Variants in C16orf90 observed in about 807,000 individuals in gnomAD.
C16orf90 encodes chromosome 16 open reading frame 90, also known as uncharacterized protein C16orf90.
A neutral mutation model predicts 17.1 loss-of-function variants in C16orf90; 17 were observed. The observed-to-expected ratio is 1.00, with a 90% CI of 0.68 to 1.49. The LOEUF (loss-of-function observed/expected upper bound fraction) is 1.49, where lower values mean the gene tolerates loss of function less well. C16orf90 is among the 40% of genes most tolerant of loss of function. The pLI, the probability that C16orf90 is intolerant of heterozygous loss-of-function variation, is 0.00. For missense variants in C16orf90, 255 were observed against 235.5 expected, an observed-to-expected ratio of 1.08 and a Z score of -0.54; for synonymous variants, 108 against 95.8, an observed-to-expected ratio of 1.13 and a Z score of -0.75.
Position 3,493,687 on chromosome 16 carries a change from T to C in C16orf90, c.*152A>G. The C allele has an allele frequency of 1.6e-6, 1 of 606,474 alleles. No individual in the cohort carries two copies. The highest frequency in any genetic ancestry group is 2.8e-6 in the Non-Finnish European group (1 of 359,468). The allele number at this position is 606,474 out of a possible 1,614,324, so 37.6% of individuals were successfully genotyped here. ...AACCTCCTCCTCCTCCCTCTCCCCA[T>C]CACATTCTCCCGAGGCCCAGGCCTG... is the stretch of plus-strand genomic sequence containing the variant. On this transcript the variant is annotated 3_prime_UTR_variant, in exon 3 of 3. Coordinates refer to ENST00000437192, the MANE Select transcript of C16orf90 (RefSeq NM_001080524.2).
rs1567414231 is a variant in C16orf90 at position 3,494,751 on chromosome 16, CG to C, written c.172del (p.Arg58GlyfsTer203). 3 of 1,603,542 alleles carry C rather than the reference CG, an allele frequency of 1.9e-6. No homozygotes were observed. The highest frequency in any genetic ancestry group is 2.2e-5 in the East Asian group (1 of 44,712). On this transcript the variant is annotated frameshift_variant, in exon 2 of 3. Coordinates refer to ENST00000437192, the MANE Select transcript of C16orf90 (RefSeq NM_001080524.2). LOFTEE classifies it high-confidence loss of function. ...GCCCAGGCCCCGGAGGTGGCGCAGC[CG>C]GAAGTTCTTGGGCTTGCTTCCCTGG... ...SAQGSKPKNF[R>X]LRHLRGLGLY...
At chr16:3,495,318 C>T in intron 1 of C16orf90, 58 bp downstream of exon 1, 1 of 1,561,474 alleles carries the variant, frequency 6.4e-7, no homozygotes. Flanking sequence ...CGGCTTTGGG[C>T]CCAGGTGGGG....
At chr16:3,496,258 A>C, upstream of C16orf90, 1 of 699,296 alleles carries the variant, frequency 1.4e-6, no homozygotes, top group Non-Finnish European at 2.6e-6. Flanking sequence ...AGAGCCCAAG[A>C]GCCAGGATAT....
Position 3,494,095 on chromosome 16 carries a change from G to A in C16orf90, c.401-108C>T, listed in dbSNP as rs1423394714. 3 of 931,450 alleles carry A rather than the reference G, an allele frequency of 3.2e-6. No individual in the cohort carries two copies. The East Asian group carries it at 7.9e-5, about 25-fold the overall frequency. The allele number at this position is 931,450 out of a possible 1,614,324, so 57.7% of individuals were successfully genotyped here. A position where few individuals can be genotyped will look rare whatever the true frequency, so the allele number is the denominator to read the frequency against. ...CCAGAATCCGATATTCTTGAAAACA[G>A]AAGGGAGGAGGGCAATGCTTCCTCC... On this transcript the variant is annotated intron_variant, in intron 2 of 2. Transcript: ENST00000437192.
chr16:3,496,383 C>G, upstream of C16orf90: 1 of 1,195,162 alleles, frequency 8.4e-7, no homozygotes, highest in Non-Finnish European at 1.2e-6. Context: ...AACCGGCCAC[C>G]TCTGTCCGTT....
At chr16:3,496,398 G>C (rs1033507352), upstream of C16orf90, 1 of 1,148,976 alleles carries the variant, frequency 8.7e-7, no homozygotes, top group Non-Finnish European at 1.3e-6. Flanking sequence ...TCCGTTTCCC[G>C]GATGATCCGG....
In C16orf90 at chr16:3,493,962, G is replaced by T. The variant is rs759201180; in HGVS notation, c.426C>A (p.Asp142Glu). 1.6e-5 allele frequency: 26 copies of T among 1,610,098 alleles called. No individual in the cohort carries two copies. Among genetic ancestry groups the T allele is most frequent in the Middle Eastern group, 1.6e-4 (1 of 6,076 alleles). ...GACTAGGCTGGGGGAGGGCACCCTT[G>T]TCTGGGTCCATGCTGGAACTGGAAG... ...SSASSSSMDP[D>E]KGALPQPSPS... Residue 142 changes from aspartate (D) to glutamate (E), a missense_variant, in exon 3 of 3, where the codon GAC (aspartate) becomes GAA (glutamate). Coordinates refer to ENST00000437192, the MANE Select transcript of C16orf90 (RefSeq NM_001080524.2).
chr16:3,495,304 C>A (rs1033736695), intron 1 of C16orf90, 72 bp downstream of exon 1: 38 of 1,528,100 alleles, frequency 2.5e-5, no homozygotes, highest in Non-Finnish European at 3.4e-5. Context: ...CTGAGGCCAC[C>A]CCTCGGCTTT....
At chr16:3,495,510 TC>T (rs147446098), upstream of C16orf90, 2,016 of 1,553,784 alleles carry the variant, frequency 1.3e-3, 28 homozygotes, top group African/African-American at 0.025. Context: ...TTGGCAGGTC[TC>T]CCCTGGCAAC....
intron 1 of C16orf90, 58 bp from the exon 2 acceptor site, chr16:3,494,935 G>GCT: frequency 7.7e-7 from 1 of 1,300,432 alleles, no homozygotes; most frequent in Non-Finnish European, 1.0e-6. Context: ...CATGAGGGGA[G>GCT]GGTGCAGTCA....
Position 3,494,504 on chromosome 16 carries a change from C to G in C16orf90, c.400+20G>C, listed in dbSNP as rs1489616992. 6.2e-7 allele frequency: 1 copy of G among 1,607,266 alleles called. No individual in the cohort carries two copies. The highest frequency in any genetic ancestry group is 8.5e-7 in the Non-Finnish European group (1 of 1,175,770). On this transcript the variant is annotated intron_variant, in intron 2 of 2. Coordinates refer to ENST00000437192, the MANE Select transcript of C16orf90 (RefSeq NM_001080524.2). ...CCTAGGGTCTTCCCCCGTGCCCAGT[C>G]CTGCCTTGACAGAGCTCACCACTGC...
At position 3,494,592 on chromosome 16, in the gene C16orf90, C is replaced by G; in HGVS notation, c.332G>C (p.Gly111Ala). ...GGCTGAACAGAGGCTGTTACGTGGGCCCAGAGTCCCCTGTGGCAGGTCCAG... is the reference window on the plus strand; with the variant it reads ...GGCTGAACAGAGGCTGTTACGTGGGGCCAGAGTCCCCTGTGGCAGGTCCAG... The part of the protein sequence containing the change: ...WALDLPQGTL[G>A]PRNSLCSALL... The change falls in exon 2 of 3, where the codon GGC becomes GCC. Residue 111 changes from glycine to alanine, a missense_variant. Gly to Ala is a moderately conservative substitution (Grantham distance 60, BLOSUM62 0). Coordinates refer to ENST00000437192, the MANE Select transcript of C16orf90 (RefSeq NM_001080524.2). The G allele has an allele frequency of 6.2e-7, 1 of 1,612,858 alleles. No homozygotes were observed. Among genetic ancestry groups the G allele is most frequent in the Non-Finnish European group, 8.5e-7 (1 of 1,179,870 alleles).
chr16:3,496,632 G>T (rs533936929), upstream of C16orf90: 512 of 532,456 alleles, frequency 9.6e-4, no homozygotes, highest in Non-Finnish European at 1.6e-3. Flanking sequence ...TCCGGTCTTC[G>T]CAAGGGCCGA....
chr16:3,495,629 G>A (rs1194489317), upstream of C16orf90: 9 of 1,092,872 alleles, frequency 8.2e-6, no homozygotes, highest in African/African-American at 1.6e-5. Context: ...ATGGGAAGGG[G>A]CCAGAACCCT....
upstream of C16orf90, chr16:3,496,243 C>T (rs1382554065): frequency 1.2e-5 from 8 of 646,854 alleles, no homozygotes; most frequent in East Asian, 4.0e-5. Flanking sequence ...AAAGGTTCGG[C>T]GCAAAGAGCC....
Position 3,494,543 on chromosome 16 carries a change from C to A in C16orf90, c.381G>T (p.Arg127Ser). 6.2e-7 allele frequency: 1 copy of A among 1,612,860 alleles called. No homozygotes were observed. Among genetic ancestry groups the A allele is most frequent in the African/African-American group, 1.3e-5 (1 of 75,064 alleles). Residue 127 changes from arginine (R) to serine (S), a missense_variant, in exon 2 of 3, where the codon AGG becomes AGT. Transcript: ENST00000437192. ...GCTCACCACTGCTTCCCAGGCTGTC[C>A]CTGGGCAATCGGGCTTCCAGAAGGG... The part of the protein sequence containing the change: ...CSALLEARLP[R>S]DSLGSSASSS...
In C16orf90 at chr16:3,493,634, G is replaced by T. The variant is rs573144588; in HGVS notation, c.*205C>A. 3.2e-4 allele frequency: 154 copies of T among 480,764 alleles called. 2 individuals carry two copies. In the South Asian group the frequency reaches 4.6e-3, roughly 14 times the overall value. 29.8% of individuals were successfully genotyped at this position (480,764 alleles called of 1,614,324 possible). On this transcript the variant is annotated 3_prime_UTR_variant, in exon 3 of 3. Transcript: ENST00000437192. ...AAGCAGGCTGCAAGGGCACGGCCAT[G>T]CTTCTATTGCTTCTGCCCCTCCCTC...
At position 3,493,825 on chromosome 16, in the gene C16orf90, G is replaced by C; in HGVS notation, c.*14C>G. ...TCCTGCCCCTCCTGTACCCAGTCCT[G>C]GCACTCGGGATCCCTATGGCCTCTC... On this transcript the variant is annotated 3_prime_UTR_variant, in exon 3 of 3. Transcript: ENST00000437192. 6.3e-7 allele frequency: 1 copy of C among 1,590,832 alleles called. No homozygotes were observed. Among genetic ancestry groups the C allele is most frequent in the Non-Finnish European group, 8.6e-7 (1 of 1,169,354 alleles).
At chr16:3,494,917 A>C in intron 1 of C16orf90, 40 bp from the exon 2 acceptor site, 1 of 1,397,730 alleles carries the variant, frequency 7.2e-7, no homozygotes, top group Non-Finnish European at 9.5e-7. Context: ...CCAGCCCCCC[A>C]CAGCAGCCAT....
Sources: allele counts gnomAD v4.1 joint callset, GRCh38; gene constraint gnomAD v4.1.1; transcripts MANE v1.5; gene names NCBI Gene and HGNC (gene_info 2026-07-23, HGNC 2026-07-21).